The following ADAM28 variants were observed in gnomAD, a reference collection of about 807,000 sequenced individuals.
ADAM28 encodes ADAM metallopeptidase domain 28, also known as disintegrin and metalloproteinase domain-containing protein 28.
In ADAM28, 105 loss-of-function variants were observed where a neutral mutation model predicts 101.2. The ratio of observed to expected loss-of-function variants is 1.04; its 90% CI spans 0.89 to 1.22. The LOEUF is 1.22. Among genes scored for constraint, ADAM28 ranks in the 50% most tolerant of loss-of-function variants. The pLI, the probability that ADAM28 is intolerant of heterozygous loss-of-function variation, is 0.00. For missense variants in ADAM28, 1,028 were observed against 945.4 expected (o/e 1.09, Z -1.15); for synonymous variants, 322 against 310.6 (o/e 1.04, Z -0.39).
At chr8:24,318,743 G>A (rs1284446026) in intron 6 of ADAM28, among the ~76,000 whole-genome samples, 2 of 151,786 alleles carry the variant, frequency 1.3e-5, no homozygotes, top group African/African-American at 4.8e-5. Context: ...CGCCTTATAT[G>A]GTATCCATCA....
intron 19 of ADAM28, among the ~76,000 whole-genome samples, chr8:24,350,610 C>G (rs867753095): frequency 2.0e-5 from 3 of 152,124 alleles, no homozygotes; most frequent in Non-Finnish European, 4.4e-5. Flanking sequence ...CACACCCGGC[C>G]GTGTGCTAAG....
At chr8:24,305,527 A>G (rs951213476) in intron 2 of ADAM28, among the ~76,000 whole-genome samples, 1 of 140,970 alleles carries the variant, frequency 7.1e-6, no homozygotes, top group Non-Finnish European at 1.5e-5. Flanking sequence ...TCACCTGCCA[A>G]TCCTTGTCCT....
chr8:24,352,886 CA>C (rs1453462857), intron 21 of ADAM28, among the ~76,000 whole-genome samples: 2 of 151,966 alleles, frequency 1.3e-5, no homozygotes, highest in Non-Finnish European at 1.5e-5. Context: ...GATTTTCCAC[CA>C]CCGCCAATTC....
At chr8:24,350,191 G>A (rs1255781935) in intron 19 of ADAM28, among the ~76,000 whole-genome samples, 10 of 152,046 alleles carry the variant, frequency 6.6e-5, no homozygotes, top group South Asian at 4.2e-4. Context: ...GTTAGTCACC[G>A]TAGTTATAAT....
intron 9 of ADAM28, among the ~76,000 whole-genome samples, chr8:24,324,273 T>C (rs567049907): frequency 7.2e-5 from 11 of 152,086 alleles, no homozygotes; most frequent in Admixed American, 3.3e-4. Flanking sequence ...GAGTTTTTGA[T>C]TCAGTGTTTA....
intron 11 of ADAM28, 95 bp downstream of exon 11, chr8:24,330,210 G>C (rs547481152): frequency 7.0e-7 from 1 of 1,426,396 alleles, no homozygotes; most frequent in African/African-American, 1.4e-5. Context: ...CAACGTGTTC[G>C]AGTTTTTGAG....
chr8:24,317,409 G>A (rs74381157), intron 6 of ADAM28, among the ~76,000 whole-genome samples: 4 of 151,732 alleles, frequency 2.6e-5, no homozygotes, highest in Non-Finnish European at 5.9e-5. Flanking sequence ...TTTTTGACAA[G>A]GGCACCAAAA....
At chr8:24,330,152 C>A (rs1452409467) in intron 11 of ADAM28, 37 bp downstream of exon 11, 2 of 1,597,102 alleles carry the variant, frequency 1.3e-6, no homozygotes, top group Non-Finnish European at 1.7e-6. Flanking sequence ...TGCTATGTAG[C>A]CCTGGTTTTG....
Position 24,350,219 on chromosome 8 carries a change from C to G in ADAM28, c.2099+247C>G, listed in dbSNP as rs148416433. Reference sequence around the variant, plus strand: ...GTTATAATAATAAGAGTGATATTAACTCTCATTATGACAGATTTTTTGAAT... The same window carrying G: ...GTTATAATAATAAGAGTGATATTAAGTCTCATTATGACAGATTTTTTGAAT... On this transcript the variant is annotated intron_variant, in intron 19 of 22. Coordinates refer to ENST00000265769, the MANE Select transcript of ADAM28 (RefSeq NM_014265.6). Among the ~76,000 whole-genome samples, 4 of 152,198 alleles carry G rather than the reference C, an allele frequency of 2.6e-5. No individual in the cohort carries two copies. In the East Asian group the frequency reaches 7.7e-4, roughly 29 times the overall value.
At chr8:24,337,222 C>T (rs1397937565) in intron 14 of ADAM28, among the ~76,000 whole-genome samples, 1 of 152,212 alleles carries the variant, frequency 6.6e-6, no homozygotes, top group East Asian at 1.9e-4. Flanking sequence ...AGCAATCTTG[C>T]CTCCACTTCG....
chr8:24,306,989 T>C (rs554354264), intron 2 of ADAM28, among the ~76,000 whole-genome samples: 1 of 152,314 alleles, frequency 6.6e-6, no homozygotes, highest in East Asian at 1.9e-4. Flanking sequence ...ACACAACAAA[T>C]ACATGATTTC....
chr8:24,352,429 C>A (rs1163366870), intron 21 of ADAM28, among the ~76,000 whole-genome samples: 1 of 152,168 alleles, frequency 6.6e-6, no homozygotes, highest in African/African-American at 2.4e-5. Context: ...GGTGAAGCGG[C>A]CTTCTGGCTT....
rs1786296167 is a variant in ADAM28, at chr8:24,335,624, C to G, written c.1550C>G (p.Thr517Arg). ...TGCCCCACACTGCAGGAGCAGTGCA[C>G]AGAGCTGTGGGGACCAGGTAGGAGG... ...GTCPTLQEQC[T>R]ELWGPGTEVA... Residue 517 changes from threonine (T) to arginine (R), a missense_variant, in exon 14 of 23, where the codon ACA (threonine) becomes AGA (arginine). Physicochemically the swap from Thr to Arg is moderately conservative, Grantham distance 71. Coordinates refer to ENST00000265769, the MANE Select transcript of ADAM28 (RefSeq NM_014265.6). 2 of 1,610,724 alleles carry G rather than the reference C, an allele frequency of 1.2e-6. No homozygotes were observed. Among genetic ancestry groups the G allele is most frequent in the African/African-American group, 1.3e-5 (1 of 74,926 alleles).
At chr8:24,343,705 T>C (rs1815068084) in intron 18 of ADAM28, 121 bp downstream of exon 18, 2 of 848,570 alleles carry the variant, frequency 2.4e-6, no homozygotes, top group Admixed American at 2.4e-5. Flanking sequence ...TCTGTTGATG[T>C]TGAATCCACA....
chr8:24,351,408 C>T (rs775143792), intron 20 of ADAM28, 98 bp downstream of exon 20: 4 of 1,268,348 alleles, frequency 3.2e-6, no homozygotes, highest in South Asian at 1.2e-5. Context: ...TACCCAGCAG[C>T]GTTTTGCAGT....
chr8:24,327,829 G>A (rs1812825162), intron 10 of ADAM28, among the ~76,000 whole-genome samples: 1 of 152,022 alleles, frequency 6.6e-6, no homozygotes, highest in Admixed American at 6.6e-5. Context: ...AAAATGTACA[G>A]ATTTTTTAAG....
chr8:24,353,770 C>T lies in ADAM28; in HGVS notation c.2245C>T (p.His749Tyr). ...ACCATTGTTTTTATAATTAACGTAGCATAAAGACACAAACGCACTTCCCCC... is the reference window on the plus strand; with the variant it reads ...ACCATTGTTTTTATAATTAACGTAGTATAAAGACACAAACGCACTTCCCCC... ...VEGNEPPASF[H>Y]KDTNALPPTV... Residue 749 changes from histidine (H) to tyrosine (Y), a missense_variant and splice_region_variant, in exon 22 of 23, where the codon CAT becomes TAT. His to Tyr is a moderately conservative substitution (Grantham distance 83). Transcript: ENST00000265769. The T allele has an allele frequency of 6.7e-7, 1 of 1,491,892 alleles. No homozygotes were observed. Among genetic ancestry groups the T allele is most frequent in the Non-Finnish European group, 9.3e-7 (1 of 1,069,590 alleles). The allele number at this position is 1,491,892 out of a possible 1,614,324, so 92.4% of individuals were successfully genotyped here.
chr8:24,308,688 C>A (rs1190363397), intron 2 of ADAM28: 2 of 456,264 alleles, frequency 4.4e-6, no homozygotes, highest in South Asian at 3.1e-5. Flanking sequence ...CTCTACTTAT[C>A]TAGGCCCACA....
At chr8:24,333,875 C>G (rs544947785) in intron 13 of ADAM28, among the ~76,000 whole-genome samples, 25 of 152,132 alleles carry the variant, frequency 1.6e-4, no homozygotes, top group Admixed American at 3.9e-4. Context: ...TTTCCATACT[C>G]AGATTGACTC....
Sources: allele counts gnomAD v4.1 joint callset (sites outside exome capture counted in the v4.1 genomes callset), GRCh38; gene constraint gnomAD v4.1.1; transcripts MANE v1.5; gene names NCBI Gene and HGNC (gene_info 2026-07-23, HGNC 2026-07-21).